The following PEBP4 variants were observed in gnomAD, a reference collection of about 807,000 sequenced individuals.
PEBP4 encodes the protein phosphatidylethanolamine-binding protein 4.
In PEBP4, 22 loss-of-function variants were observed where a neutral mutation model predicts 23.9. The ratio of observed to expected loss-of-function variants is 0.92; its 90% confidence interval spans 0.66 to 1.31. The LOEUF (loss-of-function observed/expected upper bound fraction) is 1.31, where lower values mean the gene tolerates loss of function less well. Ranked by LOEUF, PEBP4 falls within the 40% of genes most tolerant of loss-of-function variation. The pLI, the probability that PEBP4 is intolerant of heterozygous loss-of-function variation, is 0.00. For missense variants in PEBP4, 324 were observed against 281.7 expected (o/e 1.15, Z -1.07); for synonymous variants, 112 against 99.3 (o/e 1.13, Z -0.76).
intron 4 of PEBP4, among the ~76,000 whole-genome samples, chr8:22,728,567 C>T (rs112026554): frequency 0.29 from 27,664 of 95,126 alleles, 3,260 homozygotes; most frequent in East Asian, 0.4. Context: ...TTTCTTCCTT[C>T]CTTCCTTCCT....
chr8:22,766,932 C>G (rs888048239), intron 4 of PEBP4, among the ~76,000 whole-genome samples: 1 of 152,204 alleles, frequency 6.6e-6, no homozygotes, highest in African/African-American at 2.4e-5. Flanking sequence ...AGTTATGGGA[C>G]CTCCCCATGC....
intron 4 of PEBP4, among the ~76,000 whole-genome samples, chr8:22,758,875 G>T (rs1805445503): frequency 6.6e-6 from 1 of 152,168 alleles, no homozygotes; most frequent in Admixed American, 6.5e-5. Context: ...GAAGGGAGAG[G>T]CCCCCAGGCT....
intron 3 of PEBP4, among the ~76,000 whole-genome samples, chr8:22,840,875 G>T (rs1397601557): frequency 1.3e-5 from 2 of 152,138 alleles, no homozygotes; most frequent in East Asian, 3.8e-4. Context: ...CTGAGTGCAT[G>T]AACAAAATAC....
At position 22,865,193 on chromosome 8, in the gene PEBP4, T is replaced by C. The variant is rs1807861405; in HGVS notation, c.259-47458A>G. On this transcript the variant is annotated intron_variant, in intron 3 of 6. Coordinates refer to ENST00000256404, the MANE Select transcript of PEBP4 (RefSeq NM_144962.3). The surrounding 1 kb of genome is among the most constrained non-coding windows in gnomAD (Gnocchi z 6.9). ...CGTTCTCCTGTGACTCAGGTCTGAC[T>C]CAATGCCATTTCTGAAACAGCCTGG... 1.4e-5 allele frequency among the ~76,000 whole-genome samples: 2 copies of C among 143,632 alleles called. No individual in the cohort carries two copies. The highest frequency in any genetic ancestry group is 1.4e-4 in the Admixed American group (2 of 14,536). 94.2% of individuals were successfully genotyped at this position (143,632 alleles called of 152,430 possible).
intron 4 of PEBP4, among the ~76,000 whole-genome samples, chr8:22,784,832 G>C (rs962658158): frequency 6.6e-6 from 1 of 152,180 alleles, no homozygotes; most frequent in Admixed American, 6.5e-5. Context: ...AGAACTCCAG[G>C]CCTCCCTTCC....
At chr8:22,932,523 A>G (rs1226742401), upstream of PEBP4, among the ~76,000 whole-genome samples, 2 of 152,150 alleles carry the variant, frequency 1.3e-5, no homozygotes, top group African/African-American at 4.8e-5. Context: ...CTAAACACAC[A>G]TATACACACA....
intron 3 of PEBP4, among the ~76,000 whole-genome samples, chr8:22,912,691 C>T (rs911577829): frequency 7.2e-5 from 11 of 152,244 alleles, no homozygotes; most frequent in African/African-American, 2.7e-4. Flanking sequence ...GCAACCTGAA[C>T]ATCTAACTGC....
intron 4 of PEBP4, among the ~76,000 whole-genome samples, chr8:22,772,491 C>CTTTTTTTTTTTTTTT (rs1171525883): frequency 2.1e-5 from 2 of 93,484 alleles, no homozygotes; most frequent in South Asian, 3.8e-4. Flanking sequence ...CTCTCTCTCT[C>CTTTTTTTTTTTTTTT]TCTTTTTTTT....
intron 4 of PEBP4, among the ~76,000 whole-genome samples, chr8:22,800,808 T>C (rs1190377222): frequency 6.6e-6 from 1 of 152,176 alleles, no homozygotes; most frequent in African/African-American, 2.4e-5. Flanking sequence ...AGCCGGTGCA[T>C]ACAACTCCCA....
intron 3 of PEBP4, among the ~76,000 whole-genome samples, chr8:22,901,366 T>A (rs985070845): frequency 6.6e-6 from 1 of 152,178 alleles, no homozygotes; most frequent in Non-Finnish European, 1.5e-5. Context: ...CTGTCTTGTG[T>A]CAGCAGAGTC....
intron 3 of PEBP4, among the ~76,000 whole-genome samples, chr8:22,901,615 T>C (rs1471320961): frequency 1.3e-5 from 2 of 152,126 alleles, no homozygotes; most frequent in Non-Finnish European, 2.9e-5. Flanking sequence ...GATTGAGAAC[T>C]AGGAAAACCT....
chr8:22,806,841 T>C (rs1383379051), intron 4 of PEBP4, among the ~76,000 whole-genome samples: 1 of 152,242 alleles, frequency 6.6e-6, no homozygotes, highest in East Asian at 1.9e-4. Context: ...AATGCCTGGC[T>C]CAGCCAAGCT....
intron 4 of PEBP4, among the ~76,000 whole-genome samples, chr8:22,792,449 C>G (rs1413166858): frequency 6.6e-6 from 1 of 152,082 alleles, no homozygotes; most frequent in Non-Finnish European, 1.5e-5. Flanking sequence ...CTTTACCCTA[C>G]AGTGGTATCG....
chr8:22,739,562 C>T (rs753209743), intron 4 of PEBP4, among the ~76,000 whole-genome samples: 2 of 152,132 alleles, frequency 1.3e-5, no homozygotes, highest in Non-Finnish European at 2.9e-5. Flanking sequence ...CCCAGCAGCC[C>T]CCTAGCATCC....
chr8:22,921,516 C>T (rs1351329192), intron 2 of PEBP4, among the ~76,000 whole-genome samples: 1 of 152,220 alleles, frequency 6.6e-6, no homozygotes, highest in Non-Finnish European at 1.5e-5. Flanking sequence ...GCCCCTCCCA[C>T]CTTCCACCTC....
At position 22,927,641 on chromosome 8, in the gene PEBP4, T is replaced by C. The variant is rs1184881938; in HGVS notation, c.74A>G (p.Asp25Gly). 7 of 1,614,008 alleles carry C rather than the reference T, an allele frequency of 4.3e-6. No individual in the cohort carries two copies. The highest frequency in any genetic ancestry group is 5.9e-6 in the Non-Finnish European group (7 of 1,179,912). The change falls in exon 2 of 7, where the codon GAT becomes GGT. Residue 25 changes from aspartate (D) to glycine (G), a missense_variant. Transcript: ENST00000256404. ...GLMMVVTGDE[D>G]ENSPCAHEAL... The stretch of plus-strand genomic sequence containing the variant: ...CTCATGGGCACACGGGCTGTTCTCA[T>C]CCTCGTCTCCAGTGACCACCATCAT...
intron 3 of PEBP4, among the ~76,000 whole-genome samples, chr8:22,860,853 G>A (rs1177744237): frequency 1.3e-5 from 2 of 152,168 alleles, no homozygotes; most frequent in Non-Finnish European, 2.9e-5. Flanking sequence ...CAGGTGACTC[G>A]GTGACAGCCC....
At position 22,900,656 on chromosome 8, in the gene PEBP4, C is replaced by CAAA. The variant is rs111459741; in HGVS notation, c.258+19525_258+19527dup. Among the ~76,000 whole-genome samples, 1,278 of 134,394 alleles carry CAAA rather than the reference C, an allele frequency of 9.5e-3. 17 individuals are homozygous for CAAA. Among genetic ancestry groups the CAAA allele is most frequent in the African/African-American group, 0.033 (1,181 of 35,888 alleles). The allele number at this position is 134,394 out of a possible 152,430, so 88.2% of individuals were successfully genotyped here. ...GGAGAATGGAGTGAGACTCTGTCTC[C>CAAA]AAAAAAAAAAAAAAGATATCTTATT... On this transcript the variant is annotated intron_variant, in intron 3 of 6. Coordinates refer to ENST00000256404, the MANE Select transcript of PEBP4 (RefSeq NM_144962.3).
At chr8:22,741,291 G>T (rs1486638676) in intron 4 of PEBP4, among the ~76,000 whole-genome samples, 1 of 152,180 alleles carries the variant, frequency 6.6e-6, no homozygotes, top group Non-Finnish European at 1.5e-5. Context: ...TCGTGTCCCT[G>T]CCTGCCTTCG....
Sources: allele counts gnomAD v4.1 joint callset (sites outside exome capture counted in the v4.1 genomes callset), GRCh38; gene constraint gnomAD v4.1.1; non-coding constraint Gnocchi (gnomAD v3.1); transcripts MANE v1.5; gene names NCBI Gene and HGNC (gene_info 2026-07-23, HGNC 2026-07-21).